The following DNAH7 variants were observed in gnomAD, a reference collection of about 807,000 sequenced individuals.
The protein encoded by DNAH7 is dynein axonemal heavy chain 7.
In DNAH7, 397 loss-of-function variants were observed where a neutral mutation model predicts 444.6. The observed-to-expected ratio is 0.89, with a 90% CI of 0.82 to 0.97. The LOEUF (loss-of-function observed/expected upper bound fraction) is 0.97, where lower values mean the gene tolerates loss of function less well. DNAH7 is among the 50% of genes least tolerant of loss of function. DNAH7 has a pLI of 0.00. For synonymous variants in DNAH7, 1,636 were observed against 1,624.4 expected, an observed-to-expected ratio of 1.01 and a Z score of -0.17; for missense variants, 4,902 against 4,800.8, an observed-to-expected ratio of 1.02 and a Z score of -0.62.
At chr2:196,034,914 C>T (rs1302299447) in intron 5 of DNAH7, among the ~76,000 whole-genome samples, 1 of 152,218 alleles carries the variant, frequency 6.6e-6, no homozygotes, top group Non-Finnish European at 1.5e-5. Flanking sequence ...GGCACAGTGG[C>T]TCATGCCTGT....
At chr2:195,754,782 G>A (rs1202838555) in intron 62 of DNAH7, among the ~76,000 whole-genome samples, 1 of 152,068 alleles carries the variant, frequency 6.6e-6, no homozygotes, top group African/African-American at 2.4e-5. Context: ...CAGAGTGCTG[G>A]GATTACAGGC....
intron 30 of DNAH7, 55 bp from the exon 31 acceptor site, chr2:195,891,859 G>T: frequency 7.3e-7 from 1 of 1,372,210 alleles, no homozygotes. Context: ...TTTATTCATA[G>T]AAAACATTAT....
At chr2:195,747,427 C>T (rs988623980) in intron 63 of DNAH7, among the ~76,000 whole-genome samples, 1 of 152,200 alleles carries the variant, frequency 6.6e-6, no homozygotes, top group South Asian at 2.1e-4. Context: ...GAACTGGTAC[C>T]ATTCCTTCTG....
intron 23 of DNAH7, 115 bp from the exon 24 acceptor site, chr2:195,922,312 G>T: frequency 1.6e-6 from 1 of 609,790 alleles, no homozygotes; most frequent in Non-Finnish European, 2.9e-6. Flanking sequence ...TCACTTTTCA[G>T]GTGTCATTTG....
At chr2:195,914,005 T>TGCCAAG (rs1432306034) in intron 24 of DNAH7, among the ~76,000 whole-genome samples, 1 of 152,206 alleles carries the variant, frequency 6.6e-6, no homozygotes, top group Non-Finnish European at 1.5e-5. Context: ...CGAGCCACCG[T>TGCCAAG]GCCAAGTCGC....
At chr2:195,811,558 C>G (rs1255540993) in intron 51 of DNAH7, among the ~76,000 whole-genome samples, 1 of 151,978 alleles carries the variant, frequency 6.6e-6, no homozygotes, top group Non-Finnish European at 1.5e-5. Flanking sequence ...GCCATGTCAC[C>G]CAGGCTGGTA....
At chr2:195,820,668 A>T (rs185760534) in intron 49 of DNAH7, among the ~76,000 whole-genome samples, 3 of 152,314 alleles carry the variant, frequency 2.0e-5, no homozygotes, top group East Asian at 3.9e-4. Flanking sequence ...ATTTTGTCCA[A>T]AACTTTTAAA....
At chr2:195,748,329 TAA>T (rs1693556222) in intron 63 of DNAH7, among the ~76,000 whole-genome samples, 2 of 152,000 alleles carry the variant, frequency 1.3e-5, no homozygotes, top group African/African-American at 2.4e-5. Context: ...CTCAATGAAA[TAA>T]AAGAGGATAT....
At chr2:195,753,605 C>G (rs1693916664) in intron 63 of DNAH7, among the ~76,000 whole-genome samples, 1 of 152,158 alleles carries the variant, frequency 6.6e-6, no homozygotes, top group Admixed American at 6.5e-5. Flanking sequence ...AAGCAGTACA[C>G]ATTAACAGGC....
chr2:195,969,053 T>C (rs79635329), intron 17 of DNAH7, among the ~76,000 whole-genome samples: 4,141 of 152,380 alleles, frequency 0.027, 70 homozygotes, highest in Middle Eastern at 0.044. Context: ...CTGTTTTCAA[T>C]GCTTCTTTCA....
chr2:195,995,366 C>A (rs187578613), intron 12 of DNAH7: 1 of 518,154 alleles, frequency 1.9e-6, no homozygotes, highest in Non-Finnish European at 3.9e-6. Flanking sequence ...GCTGAATGAA[C>A]TTCTTGGTGA....
In DNAH7 at chr2:195,957,425, G is replaced by A; in HGVS notation, c.2914C>T (p.Leu972=). The change falls in exon 19 of 65, where the codon CTG becomes TTG. Residue 972 remains leucine (L), a synonymous_variant. Coordinates refer to ENST00000312428, the MANE Select transcript of DNAH7 (RefSeq NM_018897.3). ...CATTCATCCAGAATCTCCTGAAGCA[G>A]TAGGAGCTTGCCCTCCCATTCTCTG... The part of the protein sequence containing the change: ...QMREWEGKLL[L]LQEILDEWLK... The A allele has an allele frequency of 6.3e-7, 1 of 1,577,366 alleles. No individual in the cohort carries two copies. The highest frequency in any genetic ancestry group is 2.3e-5 in the East Asian group (1 of 43,836).
chr2:195,819,790 GC>G (rs1697374149), intron 49 of DNAH7, among the ~76,000 whole-genome samples: 1 of 152,168 alleles, frequency 6.6e-6, no homozygotes, highest in South Asian at 2.1e-4. Flanking sequence ...AAAGAAGAGG[GC>G]AACATTCTAC....
rs1047873257 is a variant in DNAH7 at position 195,780,313 on chromosome 2, G to A, written c.10879-2328C>T. On this transcript the variant is annotated intron_variant, in intron 58 of 64. Transcript: ENST00000312428. ...TGATCTATGTTTTTCTAATTTAAAT[G>A]GTTATCTTCTTTTTCTTATTCAAAA... 9.2e-5 allele frequency among the ~76,000 whole-genome samples: 14 copies of A among 151,516 alleles called. 1 individual carries two copies. The highest frequency in any genetic ancestry group is 6.3e-4 in the South Asian group (3 of 4,760).
chr2:196,068,507 C>T, intron 1 of DNAH7, 190 bp downstream of exon 1: 1 of 746,118 alleles, frequency 1.3e-6, no homozygotes. Flanking sequence ...GGGCAAACAG[C>T]TGGGAAGGGA....
intron 28 of DNAH7, among the ~76,000 whole-genome samples, chr2:195,899,642 T>A (rs970669641): frequency 2.6e-5 from 4 of 152,224 alleles, no homozygotes; most frequent in Non-Finnish European, 5.9e-5. Flanking sequence ...AAAATCTGTA[T>A]CTTCTACAAA....
At chr2:195,768,280 A>C (rs1694678566) in intron 61 of DNAH7, among the ~76,000 whole-genome samples, 1 of 150,018 alleles carries the variant, frequency 6.7e-6, no homozygotes. Context: ...AAATTTAGGA[A>C]AATATAATTT....
intron 45 of DNAH7, among the ~76,000 whole-genome samples, chr2:195,854,495 T>C (rs1174349399): frequency 1.3e-5 from 2 of 152,212 alleles, no homozygotes; most frequent in African/African-American, 4.8e-5. Context: ...TGGTATGTAA[T>C]TGCAGTATTT....
chr2:195,878,737 A>G (rs757641135), intron 36 of DNAH7, among the ~76,000 whole-genome samples: 38 of 152,366 alleles, frequency 2.5e-4, no homozygotes, highest in Non-Finnish European at 4.1e-4. Flanking sequence ...TTCTAAAACC[A>G]AAATCCAAAT....
Sources: gnomAD v4.1 joint callset for allele counts (sites outside exome capture counted in the v4.1 genomes callset) on GRCh38, gnomAD v4.1.1 for gene constraint, MANE v1.5 for transcripts, NCBI Gene and HGNC (gene_info 2026-07-23, HGNC 2026-07-21) for gene names.